Variants in PCDH15 observed in about 807,000 individuals in gnomAD.
The protein encoded by PCDH15 is protocadherin related 15.
In PCDH15, 129 loss-of-function variants were observed where a neutral mutation model predicts 178.5. The ratio of observed to expected loss-of-function variants is 0.72; its 90% CI spans 0.63 to 0.84. The LOEUF (loss-of-function observed/expected upper bound fraction) is 0.84. Ranked by LOEUF, PCDH15 falls within the 40% of genes least tolerant of loss-of-function variation. The pLI is 0.00. For missense variants in PCDH15, 2,230 were observed against 2,099.9 expected (o/e 1.06, Z -1.21); for synonymous variants, 800 against 732.0 (o/e 1.09, Z -1.50).
chr10:54,019,337 T>C (rs541955077), intron 20 of PCDH15, among the ~76,000 whole-genome samples: 2 of 152,242 alleles, frequency 1.3e-5, no homozygotes, highest in Admixed American at 6.6e-5. Context: ...TTTTTGTATA[T>C]GTATCTTTGT....
intron 1 of PCDH15, among the ~76,000 whole-genome samples, chr10:55,238,285 G>C (rs1476587117): frequency 6.6e-6 from 1 of 151,776 alleles, no homozygotes; most frequent in African/African-American, 2.4e-5. Flanking sequence ...GAGTAGTTGG[G>C]ATTACAGGCA....
chr10:55,160,498 T>C (rs566351753), intron 2 of PCDH15, among the ~76,000 whole-genome samples: 2 of 152,152 alleles, frequency 1.3e-5, no homozygotes, highest in South Asian at 2.1e-4. Context: ...GCTATGTCAC[T>C]GCTTAGGACA....
At chr10:54,322,775 A>T (rs538992013) in intron 7 of PCDH15, among the ~76,000 whole-genome samples, 35 of 152,184 alleles carry the variant, frequency 2.3e-4, no homozygotes, top group African/African-American at 8.2e-4. Context: ...AGGAAAACCT[A>T]TTAAAACTCT....
chr10:55,518,158 G>A (rs1332182894), intron 2 of PCDH15, among the ~76,000 whole-genome samples: 3 of 152,060 alleles, frequency 2.0e-5, no homozygotes, highest in Non-Finnish European at 4.4e-5. Flanking sequence ...CTGTTGTAAT[G>A]TTTCACTTCC....
intron 26 of PCDH15, among the ~76,000 whole-genome samples, chr10:53,900,213 C>CTCTCTCTCTCTCAACTT (rs2082242564): frequency 8.1e-5 from 1 of 12,374 alleles, no homozygotes; most frequent in Non-Finnish European, 1.3e-4. Context: ...TAAACTTTCT[C>CTCTCTCTCTCTCAACTT]TCTCTCTCTC....
intron 2 of PCDH15, among the ~76,000 whole-genome samples, chr10:54,662,342 A>C (rs2094504497): frequency 6.6e-6 from 1 of 152,020 alleles, no homozygotes; most frequent in Non-Finnish European, 1.5e-5. Context: ...AGTTACAACA[A>C]AAATGAGACA....
At chr10:54,417,847 G>T (rs746045313) in intron 3 of PCDH15, among the ~76,000 whole-genome samples, 2 of 152,094 alleles carry the variant, frequency 1.3e-5, no homozygotes, top group East Asian at 1.9e-4. Context: ...ATTTTACCTC[G>T]TGTTATTTTC....
intron 2 of PCDH15, chr10:54,607,093 T>C (rs1000026228): frequency 6.6e-6 from 1 of 152,114 alleles, no homozygotes; most frequent in African/African-American, 2.4e-5. Context: ...GGTCTTTTAG[T>C]TGTCAAAGTA....
intron 1 of PCDH15, among the ~76,000 whole-genome samples, chr10:54,785,059 T>C (rs889016573): frequency 6.6e-6 from 1 of 151,792 alleles, no homozygotes; most frequent in African/African-American, 2.4e-5. Context: ...AGAGTTCATC[T>C]ACCCGATATG....
At chr10:54,731,565 C>CACACACAT (rs1566067761) in intron 1 of PCDH15, among the ~76,000 whole-genome samples, 16 of 36,726 alleles carry the variant, frequency 4.4e-4, no homozygotes, top group African/African-American at 1.3e-3. Flanking sequence ...TATATATATA[C>CACACACAT]ACACACACAC....
chr10:55,153,589 T>C (rs980651045), intron 2 of PCDH15, among the ~76,000 whole-genome samples: 12 of 152,172 alleles, frequency 7.9e-5, no homozygotes, highest in African/African-American at 2.9e-4. Context: ...GTGGAGGGTC[T>C]GTCAAAGGCA....
chr10:55,068,587 T>A (rs189946589), intron 2 of PCDH15, among the ~76,000 whole-genome samples: 2 of 152,280 alleles, frequency 1.3e-5, no homozygotes, highest in East Asian at 3.9e-4. Context: ...GATATTTTTT[T>A]GTTTCAAATG....
intron 2 of PCDH15, among the ~76,000 whole-genome samples, chr10:54,653,722 A>T (rs1565860513): frequency 6.6e-6 from 1 of 152,184 alleles, no homozygotes; most frequent in African/African-American, 2.4e-5. Context: ...ACTCAGTGTT[A>T]TTCAAATTTT....
At chr10:54,270,431 A>C (rs763206212) in intron 8 of PCDH15, among the ~76,000 whole-genome samples, 13 of 152,130 alleles carry the variant, frequency 8.5e-5, no homozygotes, top group Non-Finnish European at 1.8e-4. Context: ...TAAAACAAAC[A>C]CTTCCTGAAT....
At chr10:55,139,577 T>C (rs747420657) in intron 2 of PCDH15, among the ~76,000 whole-genome samples, 4 of 152,052 alleles carry the variant, frequency 2.6e-5, no homozygotes, top group Non-Finnish European at 5.9e-5. Flanking sequence ...GCTTTTGCAA[T>C]TGTGTCAAAA....
intron 3 of PCDH15, among the ~76,000 whole-genome samples, chr10:54,467,965 G>A (rs543289241): frequency 2.0e-5 from 3 of 151,766 alleles, no homozygotes; most frequent in Non-Finnish European, 4.4e-5. Context: ...AGGGTTATTC[G>A]TAATCGTCTC....
chr10:54,701,819 C>G (rs1344875565), intron 1 of PCDH15, among the ~76,000 whole-genome samples: 1 of 151,994 alleles, frequency 6.6e-6, no homozygotes, highest in Non-Finnish European at 1.5e-5. Context: ...CTCTTAGAGA[C>G]CTACAAAGAG....
chr10:54,937,933 G>A (rs1591794855), intron 2 of PCDH15, among the ~76,000 whole-genome samples: 2 of 152,130 alleles, frequency 1.3e-5, no homozygotes, highest in East Asian at 1.9e-4. Flanking sequence ...TATCTTAGGG[G>A]AAAACATTTA....
intron 2 of PCDH15, among the ~76,000 whole-genome samples, chr10:55,564,288 A>G (rs975519886): frequency 7.5e-6 from 1 of 133,268 alleles, no homozygotes; most frequent in African/African-American, 2.6e-5. Flanking sequence ...GTTTTTGTAT[A>G]TTATTGAGCT....
Sources: gnomAD v4.1 joint callset for allele counts (sites outside exome capture counted in the v4.1 genomes callset) on GRCh38, gnomAD v4.1.1 for gene constraint, MANE v1.5 for transcripts, NCBI Gene and HGNC (gene_info 2026-07-23, HGNC 2026-07-21) for gene names.